RASA2: variants seen among roughly 807,000 people sequenced by gnomAD.
RASA2 encodes ras GTPase-activating protein 2.
Under a neutral mutation model 118.2 loss-of-function variants are expected in RASA2, and 155 were observed. That is an observed-to-expected ratio of 1.31 (90% CI 1.15 to 1.50). RASA2 has a LOEUF of 1.50. Ranked by LOEUF, RASA2 falls within the 40% of genes most tolerant of loss-of-function variation. The pLI, the probability that RASA2 is intolerant of heterozygous loss-of-function variation, is 0.00. For missense variants in RASA2, 1,016 were observed against 1,009.6 expected (o/e 1.01, Z -0.09); for synonymous variants, 353 against 349.1 (o/e 1.01, Z -0.12).
rs1328276299 is a variant in RASA2, at chr3:141,487,162, G to A, written c.79G>A (p.Gly27Arg). The change falls in exon 1 of 24, where the codon GGG becomes AGG. Residue 27 changes from glycine (G) to arginine (R), a missense_variant. Transcript: ENST00000286364. ...AASATAEPEA[G>R]DQDSREVRVL... ...GAGTGCGACTGCAGAGCCCGAGGCCGGGGACCAGGACAGTCGCGAGGTTCG... is the reference window on the plus strand; with the variant it reads ...GAGTGCGACTGCAGAGCCCGAGGCCAGGGACCAGGACAGTCGCGAGGTTCG... 2.0e-6 allele frequency: 3 copies of A among 1,469,668 alleles called. No individual in the cohort carries two copies. The highest frequency in any genetic ancestry group is 2.3e-5 in the Admixed American group (1 of 44,356). The allele number at this position is 1,469,668 out of a possible 1,614,324, so 91.0% of individuals were successfully genotyped here.
intron 2 of RASA2, among the ~76,000 whole-genome samples, chr3:141,513,222 AAT>A (rs1056082429): frequency 1.3e-4 from 20 of 151,820 alleles, no homozygotes; most frequent in Admixed American, 4.6e-4. Context: ...CCTTTAAAAA[AAT>A]ATCTTTCTTT....
chr3:141,610,581 C>G (rs1385193600), intron 23 of RASA2, among the ~76,000 whole-genome samples: 4 of 149,142 alleles, frequency 2.7e-5, no homozygotes, highest in Non-Finnish European at 5.9e-5. Context: ...ACCTCCAACT[C>G]CTGGGCTCAA....
intron 5 of RASA2, among the ~76,000 whole-genome samples, chr3:141,545,022 G>A (rs116071488): frequency 2.8e-4 from 42 of 152,284 alleles, no homozygotes; most frequent in Middle Eastern, 3.4e-3. Flanking sequence ...AGAGGATCAG[G>A]AACAATAACT....
Position 141,586,014 on chromosome 3 carries a change from T to A in RASA2, c.1753-11T>A, listed in dbSNP as rs2083195856. On this transcript the variant is annotated splice_polypyrimidine_tract_variant and intron_variant, in intron 17 of 23. Transcript: ENST00000286364. ...TCACACAGTGTAATATTTGCCCATT[T>A]CCCCATTTAGTTCTTGGATGAAATT... 6.3e-7 allele frequency: 1 copy of A among 1,599,390 alleles called. No homozygotes were observed.
chr3:141,600,745 C>T (rs1049979426), intron 19 of RASA2, among the ~76,000 whole-genome samples: 1 of 152,166 alleles, frequency 6.6e-6, no homozygotes. Context: ...GAATTCATCT[C>T]GATTTTAACA....
chr3:141,588,944 C>G (rs370825902), intron 19 of RASA2, among the ~76,000 whole-genome samples: 1 of 151,868 alleles, frequency 6.6e-6, no homozygotes, highest in Non-Finnish European at 1.5e-5. Context: ...CGGATTCAAG[C>G]GATTGTCCTG....
At chr3:141,529,586 TATGTCA>T in intron 3 of RASA2, 116 bp from the exon 4 acceptor site, 1 of 569,740 alleles carries the variant, frequency 1.8e-6, no homozygotes, top group Non-Finnish European at 2.7e-6. Flanking sequence ...AATGGATTTT[TATGTCA>T]ATAGGTACAA....
chr3:141,614,114 T>A lies in RASA2; in HGVS notation c.*1801T>A, dbSNP rs978617242. On this transcript the variant is annotated 3_prime_UTR_variant, in exon 24 of 24. Coordinates refer to ENST00000286364, the MANE Select transcript of RASA2 (RefSeq NM_006506.5). ...CCAGATACCAGTCATTATTCTTTAG[T>A]GGCTTTTTAGTCCTCTGCTTTTTTT... 2 of 152,190 alleles carry A rather than the reference T, an allele frequency of 1.3e-5. No individual in the cohort carries two copies. Among genetic ancestry groups the A allele is most frequent in the Non-Finnish European group, 2.9e-5 (2 of 68,022 alleles). 9.4% of individuals were successfully genotyped at this position (152,190 alleles called of 1,614,324 possible). A position where few individuals can be genotyped will look rare whatever the true frequency, so the allele number is the denominator to read the frequency against.
In RASA2 at chr3:141,599,182, T is replaced by C. The variant is rs183379374; in HGVS notation, c.1934-8496T>C. On this transcript the variant is annotated intron_variant, in intron 19 of 23. Transcript: ENST00000286364. ...CTCCGGAGATAAGGTAAAGAAAGTCTAAATAAAAAGAGACATGTCATGTTT... is the reference window on the plus strand; with the variant it reads ...CTCCGGAGATAAGGTAAAGAAAGTCCAAATAAAAAGAGACATGTCATGTTT... 7.1e-3 allele frequency among the ~76,000 whole-genome samples: 1,070 copies of C among 150,554 alleles called. 11 individuals are homozygous for C. The highest frequency in any genetic ancestry group is 0.012 in the Non-Finnish European group (786 of 67,716).
Position 141,540,660 on chromosome 3 carries a change from A to G in RASA2, c.527+51A>G, listed in dbSNP as rs374208675. On this transcript the variant is annotated intron_variant, in intron 5 of 23. Transcript: ENST00000286364. ...AACTAGAAATAATTCTCCATTTTGT[A>G]TTCTTTCGATTTTAAGCCAACTCCT... 3 of 1,486,150 alleles carry G rather than the reference A, an allele frequency of 2.0e-6. No individual in the cohort carries two copies. In the African/African-American group the frequency reaches 4.2e-5, roughly 21 times the overall value. The allele number at this position is 1,486,150 out of a possible 1,614,324, so 92.1% of individuals were successfully genotyped here.
intron 9 of RASA2, among the ~76,000 whole-genome samples, chr3:141,561,172 C>T (rs2151120108): frequency 6.6e-6 from 1 of 152,296 alleles, no homozygotes; most frequent in South Asian, 2.1e-4. Flanking sequence ...CTTCCACCTT[C>T]CATCAAATAG....
intron 19 of RASA2, among the ~76,000 whole-genome samples, chr3:141,591,841 G>A (rs1051492123): frequency 1.3e-5 from 2 of 150,980 alleles, no homozygotes; most frequent in African/African-American, 2.4e-5. Context: ...AAGTTGACAC[G>A]GTTTTCACCT....
chr3:141,532,476 A>G (rs966345349), intron 4 of RASA2, among the ~76,000 whole-genome samples: 2 of 152,146 alleles, frequency 1.3e-5, no homozygotes, highest in African/African-American at 4.8e-5. Flanking sequence ...TGTGAGCTAG[A>G]AAGTTGTCAG....
chr3:141,590,341 T>C (rs148722816), intron 19 of RASA2, among the ~76,000 whole-genome samples: 48 of 152,352 alleles, frequency 3.2e-4, no homozygotes, highest in African/African-American at 1.1e-3. Flanking sequence ...ACAGTTTTTC[T>C]GTATCCTTTG....
At chr3:141,545,461 CTTTTTTT>C (rs35655653) in intron 5 of RASA2, among the ~76,000 whole-genome samples, 1 of 113,176 alleles carries the variant, frequency 8.8e-6, no homozygotes, top group Non-Finnish European at 1.8e-5. Context: ...GTACTACATA[CTTTTTTT>C]TTTTTTTTTT....
At chr3:141,547,387 T>G (rs577798200) in intron 5 of RASA2, among the ~76,000 whole-genome samples, 2 of 152,308 alleles carry the variant, frequency 1.3e-5, no homozygotes, top group African/African-American at 4.8e-5. Flanking sequence ...CATCAGTGTT[T>G]TACAGTTTTC....
At chr3:141,581,280 A>T in intron 17 of RASA2, 103 bp downstream of exon 17, 2 of 916,190 alleles carry the variant, frequency 2.2e-6, no homozygotes, top group Non-Finnish European at 2.9e-6. Context: ...TTAAATAATA[A>T]TGTTTAAACT....
intron 5 of RASA2, among the ~76,000 whole-genome samples, chr3:141,543,878 T>TTC (rs1183164780): frequency 7.7e-6 from 1 of 129,312 alleles, no homozygotes; most frequent in Non-Finnish European, 1.5e-5. Flanking sequence ...TCTTTTTTCT[T>TTC]TTTTTTTTTT....
At chr3:141,579,404 A>G (rs942717643) in intron 15 of RASA2, 6 of 152,196 alleles carry the variant, frequency 3.9e-5, no homozygotes, top group Non-Finnish European at 7.4e-5. Context: ...CGTTTAGTCA[A>G]TTTTATATGC....
Sources: gnomAD v4.1 joint callset for allele counts (sites outside exome capture counted in the v4.1 genomes callset) on GRCh38, gnomAD v4.1.1 for gene constraint, MANE v1.5 for transcripts, NCBI Gene and HGNC (gene_info 2026-07-23, HGNC 2026-07-21) for gene names.